The following DPY19L1 variants were observed in gnomAD, a reference collection of about 807,000 sequenced individuals.
DPY19L1 encodes protein C-mannosyl-transferase DPY19L1.
DPY19L1 carries 35 observed loss-of-function variants against 96.9 expected under a neutral mutation model. The ratio of observed to expected loss-of-function variants is 0.36; its 90% CI spans 0.28 to 0.48. DPY19L1 has a LOEUF of 0.48. DPY19L1 is among the 20% of genes least tolerant of loss of function. The probability of loss-of-function intolerance (pLI) is 0.99; values close to 1 mark genes in which losing one functional copy is unlikely to be tolerated. For missense variants in DPY19L1, 521 were observed against 777.9 expected (o/e 0.67, Z 3.93); for synonymous variants, 205 against 252.6 (o/e 0.81, Z 1.79).
At chr7:34,983,182 A>G (rs1334671692) in intron 7 of DPY19L1, among the ~76,000 whole-genome samples, 1 of 152,178 alleles carries the variant, frequency 6.6e-6, no homozygotes, top group African/African-American at 2.4e-5. Flanking sequence ...GGGAAATTGA[A>G]GCAAAAATGA....
intron 6 of DPY19L1, among the ~76,000 whole-genome samples, chr7:35,001,667 A>G (rs1228532405): frequency 6.6e-6 from 1 of 152,164 alleles, no homozygotes; most frequent in Non-Finnish European, 1.5e-5. Context: ...TGCTCACATC[A>G]TTTATTCAAA....
chr7:35,006,185 A>T (rs1273828312), intron 6 of DPY19L1, among the ~76,000 whole-genome samples: 1 of 152,188 alleles, frequency 6.6e-6, no homozygotes, highest in Non-Finnish European at 1.5e-5. Context: ...CTTTATAGAC[A>T]TATGTATTTT....
At chr7:35,037,924 G>A (rs551199591), upstream of DPY19L1, 1 of 1,233,638 alleles carries the variant, frequency 8.1e-7, no homozygotes, top group Non-Finnish European at 1.0e-6. Flanking sequence ...CGAAGGAAGA[G>A]CCCTCTCGGG....
At chr7:35,017,498 T>C (rs1368487306) in intron 3 of DPY19L1, among the ~76,000 whole-genome samples, 1 of 17,882 alleles carries the variant, frequency 5.6e-5, no homozygotes, top group Non-Finnish European at 9.5e-5. Flanking sequence ...CGAGACTCCG[T>C]CTCAAAAAAA....
At chr7:35,035,833 T>C (rs967959241) in intron 1 of DPY19L1, among the ~76,000 whole-genome samples, 18 of 152,040 alleles carry the variant, frequency 1.2e-4, no homozygotes, top group African/African-American at 4.3e-4. Context: ...CCTCATCCAC[T>C]GTATCGTGCT....
chr7:34,942,701 G>C, intron 16 of DPY19L1, 62 bp from the exon 17 acceptor site: 1 of 1,406,960 alleles, frequency 7.1e-7, no homozygotes, highest in South Asian at 1.3e-5. Context: ...TCATATATTT[G>C]CATTTTCATC....
At chr7:34,952,719 C>T (rs1784292911) in intron 13 of DPY19L1, among the ~76,000 whole-genome samples, 10 of 152,020 alleles carry the variant, frequency 6.6e-5, no homozygotes, top group Admixed American at 6.6e-4. Context: ...CAAACTAGAT[C>T]AACACTCATA....
intron 7 of DPY19L1, among the ~76,000 whole-genome samples, chr7:34,983,844 A>G (rs1784992339): frequency 6.6e-6 from 1 of 152,220 alleles, no homozygotes; most frequent in East Asian, 1.9e-4. Context: ...AAAACTGATT[A>G]AAAATAAAAA....
chr7:35,013,509 G>A (rs3213825), intron 4 of DPY19L1, 59 bp downstream of exon 4: 53 of 1,391,210 alleles, frequency 3.8e-5, no homozygotes, highest in South Asian at 8.4e-5. Flanking sequence ...TAGAATCAGC[G>A]TTTAATACAA....
intron 4 of DPY19L1, among the ~76,000 whole-genome samples, chr7:35,012,477 A>G (rs1785736984): frequency 6.6e-6 from 1 of 152,242 alleles, no homozygotes. Context: ...ATGTATGTAT[A>G]ATAATTTTGC....
chr7:35,023,686 T>G (rs1359788614), intron 1 of DPY19L1, among the ~76,000 whole-genome samples: 1 of 152,152 alleles, frequency 6.6e-6, no homozygotes, highest in African/African-American at 2.4e-5. Flanking sequence ...GGTAAGTGGC[T>G]AGAGATGGTT....
intron 7 of DPY19L1, among the ~76,000 whole-genome samples, chr7:34,975,966 T>C (rs1276019333): frequency 3.3e-5 from 5 of 152,216 alleles, no homozygotes; most frequent in African/African-American, 4.8e-5. Flanking sequence ...GTTACACAAG[T>C]GCTCGGGTGG....
chr7:34,936,445 C>T (rs1783869511), intron 21 of DPY19L1, among the ~76,000 whole-genome samples: 1 of 152,164 alleles, frequency 6.6e-6, no homozygotes, highest in Non-Finnish European at 1.5e-5. Context: ...TTTTATGTTC[C>T]AGTAACTTAC....
intron 1 of DPY19L1, among the ~76,000 whole-genome samples, chr7:35,019,222 T>C (rs1019335316): frequency 7.2e-5 from 11 of 152,138 alleles, no homozygotes; most frequent in Admixed American, 5.2e-4. Context: ...ATACAGCTGA[T>C]GGCAGGCTTC....
At chr7:34,957,332 G>A (rs773339192) in intron 11 of DPY19L1, among the ~76,000 whole-genome samples, 6 of 151,954 alleles carry the variant, frequency 3.9e-5, no homozygotes, top group Admixed American at 1.3e-4. Context: ...CCAAGATTGC[G>A]CCATTGCACT....
At chr7:34,932,096 T>C (rs1379463400) in intron 21 of DPY19L1, among the ~76,000 whole-genome samples, 1 of 152,334 alleles carries the variant, frequency 6.6e-6, no homozygotes, top group East Asian at 1.9e-4. Context: ...TAAACAACCA[T>C]GACATAGGTT....
In DPY19L1 at chr7:35,027,668, T is replaced by TAAAAAAAAAAAAAAAAAAAAAAAAA. The variant is rs57262214; in HGVS notation, c.299-9073_299-9072insTTTTTTTTTTTTTTTTTTTTTTTTT. ...CAACATGGCAAAACCCCGTCTCTAC[T>TAAAAAAAAAAAAAAAAAAAAAAAAA]AAAAAAAAAAAAAAAAAAAATTAGT... is the stretch of plus-strand genomic sequence containing the variant. On this transcript the variant is annotated intron_variant, in intron 1 of 21. Coordinates refer to ENST00000638088, the MANE Select transcript of DPY19L1 (RefSeq NM_001366673.1). Among the ~76,000 whole-genome samples the TAAAAAAAAAAAAAAAAAAAAAAAAA allele has an allele frequency of 1.8e-3, 127 of 71,300 alleles. 9 individuals are homozygous for TAAAAAAAAAAAAAAAAAAAAAAAAA. The highest frequency in any genetic ancestry group is 7.2e-3 in the Middle Eastern group (1 of 138). The allele number at this position is 71,300 out of a possible 152,430, so 46.8% of individuals were successfully genotyped here.
intron 1 of DPY19L1, among the ~76,000 whole-genome samples, chr7:35,027,513 G>A (rs1786152462): frequency 6.6e-6 from 1 of 151,970 alleles, no homozygotes; most frequent in Admixed American, 6.6e-5. Flanking sequence ...GTTTCAAAGT[G>A]AGAAGCAAGA....
At chr7:35,027,361 T>G (rs1055584136) in intron 1 of DPY19L1, among the ~76,000 whole-genome samples, 1 of 152,164 alleles carries the variant, frequency 6.6e-6, no homozygotes, top group African/African-American at 2.4e-5. Flanking sequence ...GAGAATTTTG[T>G]TTTCATTTTG....
Sources: gnomAD v4.1 joint callset for allele counts (sites outside exome capture counted in the v4.1 genomes callset) on GRCh38, gnomAD v4.1.1 for gene constraint, MANE v1.5 for transcripts, NCBI Gene and HGNC (gene_info 2026-07-23, HGNC 2026-07-21) for gene names.